CDH17: variants seen among roughly 807,000 people sequenced by gnomAD.
CDH17 encodes the protein cadherin 17.
A neutral mutation model predicts 86.3 loss-of-function variants in CDH17; 67 were observed. The observed-to-expected ratio is 0.78, with a 90% CI of 0.64 to 0.95. CDH17 has a LOEUF of 0.95. Among genes scored for constraint, CDH17 ranks in the 40% least tolerant of loss-of-function variants. The pLI is 0.00. For missense variants in CDH17, 993 were observed against 1,017.6 expected (o/e 0.98, Z 0.33); for synonymous variants, 367 against 366.4 (o/e 1.00, Z -0.02).
At chr8:94,212,452 C>G (rs1179147509), upstream of CDH17, among the ~76,000 whole-genome samples, 7 of 151,614 alleles carry the variant, frequency 4.6e-5, no homozygotes, top group Admixed American at 6.6e-5. Flanking sequence ...ATACTTACTT[C>G]TGAGTTTGGG....
chr8:94,179,906 T>G (rs1372837067), intron 3 of CDH17, among the ~76,000 whole-genome samples: 10 of 152,168 alleles, frequency 6.6e-5, no homozygotes, highest in Non-Finnish European at 1.5e-5. Context: ...AAATGTTTGG[T>G]TTTCAACAAA....
At chr8:94,178,597 A>G (rs1326249987) in intron 3 of CDH17, among the ~76,000 whole-genome samples, 1 of 152,146 alleles carries the variant, frequency 6.6e-6, no homozygotes, top group African/African-American at 2.4e-5. Flanking sequence ...TGAAATTATT[A>G]TGGCACATGA....
At position 94,177,647 on chromosome 8, in the gene CDH17, C is replaced by T. The variant is rs752373699; in HGVS notation, c.225G>A (p.Glu75=). 1 of 1,613,682 alleles carries T rather than the reference C, an allele frequency of 6.2e-7. No homozygotes were observed. The highest frequency in any genetic ancestry group is 8.5e-7 in the Non-Finnish European group (1 of 1,179,652). The change falls in exon 4 of 18, where the codon GAG becomes GAA. Residue 75 remains glutamate, a synonymous_variant. Coordinates refer to ENST00000027335, the MANE Select transcript of CDH17 (RefSeq NM_004063.4). ...AGGCTCTGTTGTAATACAGAAGTCC[C>T]TCCCGTTCTATCACAAATATGTTGT... ...ETDNIFVIER[E]GLLYYNRALD...
Position 94,165,063 on chromosome 8 carries a change from C to G in CDH17, c.1282+698G>C, listed in dbSNP as rs117433120. The stretch of plus-strand genomic sequence containing the variant: ...CTCCTCCACTTTCCTACAGTAGAGT[C>G]CTTTCAGTCTGAAAGCAAGAATTGG... On this transcript the variant is annotated intron_variant, in intron 10 of 17. Coordinates refer to ENST00000027335, the MANE Select transcript of CDH17 (RefSeq NM_004063.4). Among the ~76,000 whole-genome samples the G allele has an allele frequency of 5.4e-3, 829 of 152,254 alleles. 8 individuals carry two copies. The highest frequency in any genetic ancestry group is 0.034 in the South Asian group (163 of 4,824).
At chr8:94,139,684 C>T (rs1812598772) in intron 15 of CDH17, among the ~76,000 whole-genome samples, 1 of 152,140 alleles carries the variant, frequency 6.6e-6, no homozygotes, top group Admixed American at 6.6e-5. Context: ...AGGCAGATTA[C>T]TTGAAGCCAG....
chr8:94,130,193 A>G (rs1586226404), intron 17 of CDH17, among the ~76,000 whole-genome samples: 1 of 152,200 alleles, frequency 6.6e-6, no homozygotes, highest in African/African-American at 2.4e-5. Flanking sequence ...CATTTCAGAT[A>G]TCTCAGCATC....
chr8:94,198,984 T>C (rs764699174), intron 1 of CDH17, among the ~76,000 whole-genome samples: 29 of 148,010 alleles, frequency 2.0e-4, no homozygotes, highest in Non-Finnish European at 3.3e-4. Flanking sequence ...ACTTCCTTCA[T>C]GAAATCTTCC....
chr8:94,161,558 G>C (rs1323473131), intron 11 of CDH17, among the ~76,000 whole-genome samples: 1 of 152,120 alleles, frequency 6.6e-6, no homozygotes, highest in Non-Finnish European at 1.5e-5. Context: ...GTTCTAAATT[G>C]ACTTTTTTCT....
At chr8:94,168,143 TATATATATATATA>T (rs1813199748) in intron 9 of CDH17, among the ~76,000 whole-genome samples, 5 of 101,592 alleles carry the variant, frequency 4.9e-5, no homozygotes, top group Non-Finnish European at 7.1e-5. Context: ...TATATATATA[TATATATATATATA>T]TTTGTGTGTG....
chr8:94,155,158 TA>T (rs1393678653), intron 12 of CDH17, among the ~76,000 whole-genome samples: 1 of 152,038 alleles, frequency 6.6e-6, no homozygotes, highest in Non-Finnish European at 1.5e-5. Context: ...TTCATAGTGA[TA>T]AGCACCCACT....
chr8:94,207,560 G>A (rs1057390108), intron 1 of CDH17, among the ~76,000 whole-genome samples: 3 of 152,184 alleles, frequency 2.0e-5, no homozygotes, highest in South Asian at 2.1e-4. Flanking sequence ...TTCCTGGTGA[G>A]AGCTGAATAG....
chr8:94,174,029 T>C (rs372320238), intron 6 of CDH17, 33 bp from the exon 7 acceptor site: 1 of 1,610,522 alleles, frequency 6.2e-7, no homozygotes, highest in South Asian at 1.1e-5. Context: ...GAATAGGAAG[T>C]GTCTCTGGAA....
chr8:94,169,984 T>C (rs951749710), intron 9 of CDH17, among the ~76,000 whole-genome samples: 4 of 152,184 alleles, frequency 2.6e-5, no homozygotes, highest in African/African-American at 9.7e-5. Flanking sequence ...TGTCTGACTT[T>C]GGGTGTAAAT....
chr8:94,176,446 T>G (rs971508304), intron 5 of CDH17, 95 bp downstream of exon 5: 3 of 1,321,750 alleles, frequency 2.3e-6, no homozygotes, highest in Admixed American at 1.9e-5. Context: ...TAGTGCTTAT[T>G]GAGTGACAGC....
At chr8:94,177,285 G>A (rs1045974427) in intron 4 of CDH17, among the ~76,000 whole-genome samples, 1 of 152,170 alleles carries the variant, frequency 6.6e-6, no homozygotes, top group Non-Finnish European at 1.5e-5. Flanking sequence ...AAGTATCAGA[G>A]ATGTGCTGAC....
rs545720674 is a variant in CDH17, at chr8:94,187,760, C to T, written c.150+1427G>A. On this transcript the variant is annotated intron_variant, in intron 3 of 17. Transcript: ENST00000027335. ...GTCCTTGGTATGTCTCCTGCCCTCTCCTGGCAGAGGGCAGCCATCCCTGCC... is the reference window on the plus strand; with the variant it reads ...GTCCTTGGTATGTCTCCTGCCCTCTTCTGGCAGAGGGCAGCCATCCCTGCC... Among the ~76,000 whole-genome samples the T allele has an allele frequency of 1.6e-3, 237 of 152,234 alleles. 3 individuals are homozygous for T. The highest frequency in any genetic ancestry group is 4.9e-3 in the African/African-American group (203 of 41,542).
intron 15 of CDH17, among the ~76,000 whole-genome samples, chr8:94,136,787 G>T (rs190828004): frequency 6.6e-6 from 1 of 152,234 alleles, no homozygotes; most frequent in East Asian, 1.9e-4. Flanking sequence ...TTTGATGTTG[G>T]TGACCTACAG....
At chr8:94,213,300 T>G (rs1340822502), upstream of CDH17, among the ~76,000 whole-genome samples, 1 of 152,188 alleles carries the variant, frequency 6.6e-6, no homozygotes, top group African/African-American at 2.4e-5. Context: ...TGCAGGTGAT[T>G]ACATAGGCCC....
At chr8:94,157,331 T>C (rs1812965944) in intron 12 of CDH17, among the ~76,000 whole-genome samples, 1 of 152,218 alleles carries the variant, frequency 6.6e-6, no homozygotes, top group African/African-American at 2.4e-5. Context: ...CCAAATTATA[T>C]AGTCTATAAA....
Sources: allele counts gnomAD v4.1 joint callset (sites outside exome capture counted in the v4.1 genomes callset), GRCh38; gene constraint gnomAD v4.1.1; transcripts MANE v1.5; gene names NCBI Gene and HGNC (gene_info 2026-07-23, HGNC 2026-07-21).